Variants in VNN1 observed in about 807,000 individuals in gnomAD.
The protein encoded by VNN1 is pantetheinase.
A neutral mutation model predicts 41.9 loss-of-function variants in VNN1; 29 were observed. That is an observed-to-expected ratio of 0.69 (90% CI 0.52 to 0.94). The LOEUF (loss-of-function observed/expected upper bound fraction) is 0.94. VNN1 is among the 40% of genes least tolerant of loss of function. The pLI, the probability that VNN1 is intolerant of heterozygous loss-of-function variation, is 0.00. For synonymous variants in VNN1, 233 were observed against 224.4 expected (o/e 1.04, Z -0.34); for missense variants, 637 against 621.1 (o/e 1.03, Z -0.27).
chr6:132,711,616 G>T, intron 2 of VNN1, 93 bp downstream of exon 2: 3 of 1,399,476 alleles, frequency 2.1e-6, no homozygotes, highest in South Asian at 2.9e-5. Flanking sequence ...CTTAAGAATT[G>T]ATCATGGATC....
intron 5 of VNN1, among the ~76,000 whole-genome samples, chr6:132,687,823 G>T (rs902359626): frequency 1.6e-4 from 25 of 152,098 alleles, no homozygotes; most frequent in Admixed American, 1.4e-3. Context: ...AAAAGTCAAA[G>T]AAAATTAACG....
Position 132,713,811 on chromosome 6 carries a change from T to G in VNN1, c.210+15A>C, listed in dbSNP as rs767722174. ...CATAGAATCCAGTACACTGGAGAGA[T>G]GGTAGAGATGGTACCTGATCTGCTG... On this transcript the variant is annotated intron_variant, in intron 1 of 6. Transcript: ENST00000367928. 3 of 1,612,030 alleles carry G rather than the reference T, an allele frequency of 1.9e-6. No individual in the cohort carries two copies. Among genetic ancestry groups the G allele is most frequent in the East Asian group, 4.5e-5 (2 of 44,878 alleles).
chr6:132,713,736 G>A, intron 1 of VNN1, 90 bp downstream of exon 1: 1 of 1,380,652 alleles, frequency 7.2e-7, no homozygotes, highest in South Asian at 1.3e-5. Context: ...TCATCTAAAA[G>A]TGTAACTGAC....
chr6:132,688,493 A>C (rs1037896094), intron 5 of VNN1, among the ~76,000 whole-genome samples: 1 of 152,192 alleles, frequency 6.6e-6, no homozygotes, highest in Non-Finnish European at 1.5e-5. Context: ...AGAACTTCCC[A>C]CAACTCTCTT....
chr6:132,683,914 T>C (rs1778168422), intron 6 of VNN1, among the ~76,000 whole-genome samples: 1 of 152,208 alleles, frequency 6.6e-6, no homozygotes, highest in Non-Finnish European at 1.5e-5. Flanking sequence ...AAATTCTCTC[T>C]TCTTCAGCTT....
At chr6:132,701,743 A>C (rs1582775591) in intron 2 of VNN1, among the ~76,000 whole-genome samples, 1 of 152,348 alleles carries the variant, frequency 6.6e-6, no homozygotes, top group Middle Eastern at 3.4e-3. Flanking sequence ...TCAAGGAAAG[A>C]GGCACTGAAG....
At chr6:132,699,376 A>G (rs1339858393) in intron 2 of VNN1, 1 of 180,002 alleles carries the variant, frequency 5.6e-6, no homozygotes, top group East Asian at 1.8e-4. Flanking sequence ...GTCTAAATCA[A>G]AGCCTTCTAT....
chr6:132,702,564 C>A (rs1445354377), intron 2 of VNN1, among the ~76,000 whole-genome samples: 3 of 152,120 alleles, frequency 2.0e-5, no homozygotes, highest in Non-Finnish European at 4.4e-5. Context: ...TTGCATCAAC[C>A]CTCCTCCAAC....
At chr6:132,697,791 T>C (rs997007845) in intron 2 of VNN1, among the ~76,000 whole-genome samples, 1 of 152,146 alleles carries the variant, frequency 6.6e-6, no homozygotes, top group African/African-American at 2.4e-5. Flanking sequence ...TTTCAATGTG[T>C]TTGTAAGAAA....
Position 132,714,050 on chromosome 6 carries a change from A to T in VNN1, c.-15T>A. 1.2e-6 allele frequency: 2 copies of T among 1,601,010 alleles called. No homozygotes were observed. The highest frequency in any genetic ancestry group is 2.2e-5 in the South Asian group (2 of 89,960). On this transcript the variant is annotated 5_prime_UTR_variant, in exon 1 of 7. Coordinates refer to ENST00000367928, the MANE Select transcript of VNN1 (RefSeq NM_004666.3). ...TGAGTAGTCATGCTGAAGTCCAATG[A>T]GTGCTGAAAAACAGAGCATGTCCTG... is the stretch of plus-strand genomic sequence containing the variant.
chr6:132,704,979 A>G (rs1778499391), intron 2 of VNN1, among the ~76,000 whole-genome samples: 1 of 152,046 alleles, frequency 6.6e-6, no homozygotes. Flanking sequence ...AGATTGAACC[A>G]CAAAGAAATC....
At chr6:132,685,304 T>C (rs1180728159) in intron 5 of VNN1, among the ~76,000 whole-genome samples, 3 of 152,216 alleles carry the variant, frequency 2.0e-5, no homozygotes, top group Non-Finnish European at 4.4e-5. Flanking sequence ...TTTAATGCCA[T>C]CTGTACAGCA....
At chr6:132,698,672 T>C (rs1188172616) in intron 2 of VNN1, 1 of 153,084 alleles carries the variant, frequency 6.5e-6, no homozygotes, top group Non-Finnish European at 1.5e-5. Context: ...TTCCCCTCCC[T>C]GGGCCTCTCT....
In VNN1 at chr6:132,684,255, G is replaced by C. The variant is rs1778173455; in HGVS notation, c.1359+80C>G. On this transcript the variant is annotated intron_variant, in intron 6 of 6. Transcript: ENST00000367928. ...TCTAAATGGAAATTTTATGATATTT[G>C]TAAGCACTTGAGCAGATTTTTATAT... is the stretch of plus-strand genomic sequence containing the variant. 4 of 1,380,320 alleles carry C rather than the reference G, an allele frequency of 2.9e-6. No individual in the cohort carries two copies. The South Asian group carries it at 4.4e-5, about 15-fold the overall frequency. The allele number at this position is 1,380,320 out of a possible 1,614,324, so 85.5% of individuals were successfully genotyped here.
intron 2 of VNN1, among the ~76,000 whole-genome samples, chr6:132,706,237 A>G (rs1778516217): frequency 6.6e-6 from 1 of 152,292 alleles, no homozygotes; most frequent in South Asian, 2.1e-4. Context: ...GAGAAATCAC[A>G]TTACCTGACT....
At chr6:132,708,030 T>C (rs1362270814) in intron 2 of VNN1, among the ~76,000 whole-genome samples, 1 of 152,174 alleles carries the variant, frequency 6.6e-6, no homozygotes, top group East Asian at 1.9e-4. Flanking sequence ...TGTACAAACA[T>C]CAAAACATCT....
At position 132,692,437 on chromosome 6, in the gene VNN1, G is replaced by T. The variant is rs34535050; in HGVS notation, c.974C>A (p.Ala325Glu). 4.4e-3 allele frequency: 7,090 copies of T among 1,614,054 alleles called. 276 individuals are homozygous for T. In the African/African-American group the frequency reaches 0.084, roughly 19 times the overall value. ...NWTSYASSIE[A>E]LSSGNKEFKG... ...AAATTCCTTGTTTCCTGATGAGAGCGCTTCTATACTGCTGGCATAGGAAGT... is the reference window on the plus strand; with the variant it reads ...AAATTCCTTGTTTCCTGATGAGAGCTCTTCTATACTGCTGGCATAGGAAGT... Residue 325 changes from alanine (A) to glutamate (E), a missense_variant, in exon 5 of 7, where the codon GCG (alanine) becomes GAG (glutamate). Coordinates refer to ENST00000367928, the MANE Select transcript of VNN1 (RefSeq NM_004666.3).
chr6:132,691,512 C>A (rs1175133647), intron 5 of VNN1, among the ~76,000 whole-genome samples: 1 of 151,908 alleles, frequency 6.6e-6, no homozygotes, highest in Non-Finnish European at 1.5e-5. Flanking sequence ...CTTTATAAAG[C>A]AAGATAGGCA....
At chr6:132,687,596 TAGA>T (rs1462413651) in intron 5 of VNN1, among the ~76,000 whole-genome samples, 1 of 151,872 alleles carries the variant, frequency 6.6e-6, no homozygotes, top group African/African-American at 2.4e-5. Context: ...CAAATAAAGG[TAGA>T]AGGAGAAAAA....
Sources: allele counts gnomAD v4.1 joint callset (sites outside exome capture counted in the v4.1 genomes callset), GRCh38; gene constraint gnomAD v4.1.1; transcripts MANE v1.5; gene names NCBI Gene and HGNC (gene_info 2026-07-23, HGNC 2026-07-21).